The following FSHR variants were observed in gnomAD, a reference collection of about 807,000 sequenced individuals.
FSHR encodes follicle-stimulating hormone receptor.
FSHR carries 46 observed loss-of-function variants against 52.1 expected under a neutral mutation model. That is an observed-to-expected ratio of 0.88 (90% CI 0.70 to 1.13). FSHR has a LOEUF of 1.13. FSHR is among the 50% of genes most tolerant of loss of function. The pLI, the probability that FSHR is intolerant of heterozygous loss-of-function variation, is 0.00. For synonymous variants in FSHR, 399 were observed against 309.6 expected, an observed-to-expected ratio of 1.29 and a Z score of -3.03; for missense variants, 964 against 834.6, an observed-to-expected ratio of 1.16 and a Z score of -1.91.
At chr2:49,126,815 A>C (rs139015977) in intron 1 of FSHR, among the ~76,000 whole-genome samples, 25 of 152,332 alleles carry the variant, frequency 1.6e-4, no homozygotes, top group African/African-American at 5.5e-4. Context: ...TCCTTGTCCT[A>C]GGACACACCT....
chr2:48,964,391 C>T lies in FSHR; in HGVS notation c.855-425G>A, dbSNP rs1257818441. On this transcript the variant is annotated intron_variant, in intron 9 of 9. Coordinates refer to ENST00000406846, the MANE Select transcript of FSHR (RefSeq NM_000145.4). ...AAATCACTGGAAGATCCAGACTGTTCGCTGACTCAAATGAGAACTTATTTG... is the reference window on the plus strand; with the variant it reads ...AAATCACTGGAAGATCCAGACTGTTTGCTGACTCAAATGAGAACTTATTTG... Among the ~76,000 whole-genome samples, 8 of 152,152 alleles carry T rather than the reference C, an allele frequency of 5.3e-5. No individual in the cohort carries two copies. In the East Asian group the frequency reaches 5.8e-4, roughly 11 times the overall value.
intron 1 of FSHR, among the ~76,000 whole-genome samples, chr2:49,103,636 C>T (rs566994520): frequency 3.9e-5 from 6 of 152,186 alleles, no homozygotes; most frequent in Admixed American, 6.5e-5. Context: ...CTCATTGGTA[C>T]AGTGAGGACC....
At chr2:49,143,325 T>G (rs1422143534) in intron 1 of FSHR, among the ~76,000 whole-genome samples, 2 of 152,100 alleles carry the variant, frequency 1.3e-5, no homozygotes, top group Non-Finnish European at 2.9e-5. Flanking sequence ...TCCTGAGAGG[T>G]GTGTAATGTG....
chr2:49,021,880 TATATATAGAGAGAGAGAG>T (rs1481687810), intron 2 of FSHR, among the ~76,000 whole-genome samples: 1,115 of 51,226 alleles, frequency 0.022, 18 homozygotes, highest in East Asian at 0.054. Context: ...TATATATATA[TATATATAGAGAGAGAGAG>T]AGAGAGAGAG....
chr2:49,018,830 C>T (rs1667590124), intron 3 of FSHR, among the ~76,000 whole-genome samples: 1 of 110,858 alleles, frequency 9.0e-6, no homozygotes, highest in African/African-American at 2.7e-5. Flanking sequence ...CACACACGCG[C>T]ATGCACACAC....
chr2:49,018,735 G>C (rs1263456963), intron 3 of FSHR, among the ~76,000 whole-genome samples: 1 of 152,136 alleles, frequency 6.6e-6, no homozygotes, highest in Non-Finnish European at 1.5e-5. Context: ...AGGCAACGAG[G>C]AAAAATGAAG....
At chr2:49,131,895 C>T in intron 1 of FSHR, among the ~76,000 whole-genome samples, 1 of 152,080 alleles carries the variant, frequency 6.6e-6, no homozygotes, top group Admixed American at 6.6e-5. Flanking sequence ...AAAGGAAGTT[C>T]CCCATCCTTT....
At position 48,963,239 on chromosome 2, in the gene FSHR, G is replaced by C; in HGVS notation, c.1582C>G (p.Gln528Glu). The stretch of plus-strand genomic sequence containing the variant: ...ACAAGGAGGGACATGACATACAGCT[G>C]TGACAAAGGGCTGTCAATATCCATG... ...LPMDIDSPLS[Q>E]LYVMSLLVLN... The change falls in exon 10 of 10, where the codon CAG becomes GAG. Residue 528 changes from glutamine to glutamate, a missense_variant. Coordinates refer to ENST00000406846, the MANE Select transcript of FSHR (RefSeq NM_000145.4). 1 of 1,614,180 alleles carries C rather than the reference G, an allele frequency of 6.2e-7. No homozygotes were observed. The highest frequency in any genetic ancestry group is 8.5e-7 in the Non-Finnish European group (1 of 1,180,028).
intron 1 of FSHR, among the ~76,000 whole-genome samples, chr2:49,150,103 C>T (rs916712331): frequency 6.6e-6 from 1 of 151,938 alleles, no homozygotes; most frequent in African/African-American, 2.4e-5. Context: ...AGATCAAAGG[C>T]ACTTTTCTAG....
chr2:49,121,128 G>C (rs1203524816), intron 1 of FSHR, among the ~76,000 whole-genome samples: 1 of 152,188 alleles, frequency 6.6e-6, no homozygotes, highest in East Asian at 1.9e-4. Flanking sequence ...TGAAGTTATT[G>C]TGTGTTAGGG....
At chr2:49,069,357 A>G (rs1221348484) in intron 1 of FSHR, among the ~76,000 whole-genome samples, 1 of 151,770 alleles carries the variant, frequency 6.6e-6, no homozygotes, top group African/African-American at 2.4e-5. Context: ...GTTATCTCAG[A>G]CCCCCATTTG....
intron 6 of FSHR, among the ~76,000 whole-genome samples, chr2:48,985,816 C>T (rs1284058679): frequency 7.1e-6 from 1 of 140,904 alleles, no homozygotes; most frequent in Non-Finnish European, 1.6e-5. Flanking sequence ...CGGGTTCACG[C>T]CATTCTCCTG....
At chr2:49,042,585 A>G (rs1025048771) in intron 2 of FSHR, among the ~76,000 whole-genome samples, 12 of 7,206 alleles carry the variant, frequency 1.7e-3, no homozygotes, top group Admixed American at 6.0e-3. Context: ...ATGGGTTTAT[A>G]TATTACTAAA....
intron 1 of FSHR, among the ~76,000 whole-genome samples, chr2:49,096,170 G>A (rs1396861419): frequency 1.3e-5 from 2 of 152,148 alleles, no homozygotes; most frequent in African/African-American, 2.4e-5. Flanking sequence ...GATATTCATA[G>A]AAGCATCATT....
chr2:49,057,485 A>T (rs186155960), intron 2 of FSHR, among the ~76,000 whole-genome samples: 81 of 152,298 alleles, frequency 5.3e-4, no homozygotes, highest in African/African-American at 1.9e-3. Flanking sequence ...CCAAGAATAA[A>T]TAGAAAATCT....
chr2:49,139,016 C>T (rs1243862437), intron 1 of FSHR, among the ~76,000 whole-genome samples: 6 of 152,138 alleles, frequency 3.9e-5, no homozygotes, highest in Non-Finnish European at 5.9e-5. Context: ...TTGTCAATAA[C>T]GGACAAACAA....
chr2:49,121,601 T>A (rs1162581934), intron 1 of FSHR, among the ~76,000 whole-genome samples: 1 of 152,186 alleles, frequency 6.6e-6, no homozygotes, highest in Non-Finnish European at 1.5e-5. Flanking sequence ...TGTGTATCAG[T>A]GACAGACTTC....
At position 49,040,770 on chromosome 2, in the gene FSHR, G is replaced by T. The variant is rs555196007; in HGVS notation, c.225-20610C>A. Among the ~76,000 whole-genome samples, 12 of 152,290 alleles carry T rather than the reference G, an allele frequency of 7.9e-5. No individual in the cohort carries two copies. The South Asian group carries it at 1.7e-3, about 21-fold the overall frequency. On this transcript the variant is annotated intron_variant, in intron 2 of 9. Coordinates refer to ENST00000406846, the MANE Select transcript of FSHR (RefSeq NM_000145.4). The stretch of plus-strand genomic sequence containing the variant: ...AAGTTTAATGATTGGACTGGGAAAA[G>T]ATGATAAAAGGGACTGTAAAATAAA...
At position 49,004,914 on chromosome 2, in the gene FSHR, A is replaced by C. The variant is rs1195244207; in HGVS notation, c.374+12575T>G. ...AAAATAAAATTGCACCGAATCTGCA[A>C]ATGGGTAGAGTAGATGGTCACCTAT... On this transcript the variant is annotated intron_variant, in intron 4 of 9. Transcript: ENST00000406846. 2.6e-5 allele frequency among the ~76,000 whole-genome samples: 4 copies of C among 152,260 alleles called. No homozygotes were observed. The East Asian group carries it at 7.7e-4, about 29-fold the overall frequency.
Sources: gnomAD v4.1 joint callset for allele counts (sites outside exome capture counted in the v4.1 genomes callset) on GRCh38, gnomAD v4.1.1 for gene constraint, MANE v1.5 for transcripts, NCBI Gene and HGNC (gene_info 2026-07-23, HGNC 2026-07-21) for gene names.